The following DMD variants were observed in gnomAD, a reference collection of about 807,000 sequenced individuals.
The protein encoded by DMD is dystrophin.
DMD carries 63 observed loss-of-function variants against 330.1 expected under a neutral mutation model. That is an observed-to-expected ratio of 0.19 (90% CI 0.16 to 0.24). The LOEUF (loss-of-function observed/expected upper bound fraction) is 0.24, where lower values mean the gene tolerates loss of function less well. DMD is among the 10% of genes least tolerant of loss of function. DMD has a pLI of 1.00. For synonymous variants in DMD, 1,223 were observed against 959.8 expected (o/e 1.27, Z -5.07); for missense variants, 3,344 against 2,684.1 (o/e 1.25, Z -5.43).
At chrX:32,401,543 G>A (rs2098086224) in intron 30 of DMD, among the ~76,000 whole-genome samples, 1 of 111,315 alleles carries the variant, frequency 9.0e-6, no homozygotes, top group Admixed American at 9.6e-5. Context: ...ATAGAGAGTA[G>A]AAGGATCCTT....
chrX:31,896,444 A>C (rs2094333906), intron 47 of DMD, among the ~76,000 whole-genome samples: 1 of 111,754 alleles, frequency 8.9e-6, no homozygotes, highest in Non-Finnish European at 1.9e-5. Flanking sequence ...TTAAGAAAAC[A>C]TTCTGCTTAT....
At chrX:32,787,579 C>T (rs758665892) in intron 7 of DMD, among the ~76,000 whole-genome samples, 2 of 111,011 alleles carry the variant, frequency 1.8e-5, no homozygotes, top group Non-Finnish European at 3.8e-5. Context: ...ATATACATAC[C>T]TATGATAAAA....
chrX:33,047,600 A>G (rs2094400630), intron 1 of DMD, among the ~76,000 whole-genome samples: 1 of 112,469 alleles, frequency 8.9e-6, no homozygotes, highest in African/African-American at 3.2e-5. Context: ...TTATCTTTTA[A>G]AAAATCTATT....
rs58697417 is a variant in DMD, at chrX:32,744,773, C to T, written c.650-45480G>A. On this transcript the variant is annotated intron_variant, in intron 7 of 78. Coordinates refer to ENST00000357033, the MANE Select transcript of DMD (RefSeq NM_004006.3). ...ATCTGCTTTGTCAATACTCTAGGTTCAGGATATAAACACTTTTCATCTGGA... is the reference window on the plus strand; with the variant it reads ...ATCTGCTTTGTCAATACTCTAGGTTTAGGATATAAACACTTTTCATCTGGA... 4.6e-3 allele frequency among the ~76,000 whole-genome samples: 517 copies of T among 111,736 alleles called. 2 individuals are homozygous for T. Among genetic ancestry groups the T allele is most frequent in the African/African-American group, 0.015 (459 of 30,773 alleles).
intron 18 of DMD, among the ~76,000 whole-genome samples, chrX:32,512,746 G>A (rs2045465889): frequency 8.9e-6 from 1 of 112,333 alleles, no homozygotes; most frequent in Admixed American, 9.4e-5. Context: ...AAGTTAACCT[G>A]ATTTACACGC....
chrX:32,715,795 A>C (rs1054307880), intron 7 of DMD, among the ~76,000 whole-genome samples: 1 of 111,292 alleles, frequency 9.0e-6, no homozygotes, highest in African/African-American at 3.3e-5. Context: ...ATCTCAAAAC[A>C]GAAACACAAA....
intron 17 of DMD, among the ~76,000 whole-genome samples, chrX:32,523,169 C>G (rs912506200): frequency 6.3e-5 from 7 of 111,166 alleles, no homozygotes; most frequent in African/African-American, 2.3e-4. Flanking sequence ...GAAAACGATA[C>G]CCCAAAGTAT....
At chrX:32,486,642 C>G (rs1197475927) in intron 20 of DMD, among the ~76,000 whole-genome samples, 2 of 108,093 alleles carry the variant, frequency 1.9e-5, no homozygotes, top group Non-Finnish European at 3.8e-5. Flanking sequence ...GGTACTGGTA[C>G]CAAAACAGAG....
intron 11 of DMD, among the ~76,000 whole-genome samples, chrX:32,618,479 T>C (rs2057752135): frequency 9.0e-6 from 1 of 110,548 alleles, no homozygotes; most frequent in African/African-American, 3.3e-5. Flanking sequence ...CATGGGCACA[T>C]AGAGGGAAAC....
intron 16 of DMD, among the ~76,000 whole-genome samples, chrX:32,548,585 G>A (rs1270118050): frequency 2.7e-5 from 3 of 111,651 alleles, no homozygotes; most frequent in Non-Finnish European, 5.7e-5. Flanking sequence ...TTACACTATT[G>A]AGTAAACAAT....
intron 43 of DMD, among the ~76,000 whole-genome samples, chrX:32,260,390 C>G (rs1218340144): frequency 9.0e-6 from 1 of 111,444 alleles, no homozygotes; most frequent in Non-Finnish European, 1.9e-5. Flanking sequence ...TTTGTGGCAT[C>G]TAACATTAAT....
intron 1 of DMD, among the ~76,000 whole-genome samples, chrX:33,272,750 T>A (rs749436107): frequency 9.0e-6 from 1 of 110,581 alleles, no homozygotes; most frequent in East Asian, 2.8e-4. Context: ...TATCTCCACA[T>A]TGTTCTGGGA....
intron 17 of DMD, among the ~76,000 whole-genome samples, chrX:32,527,417 C>T (rs774776153): frequency 1.8e-5 from 2 of 110,773 alleles, no homozygotes; most frequent in Non-Finnish European, 3.8e-5. Flanking sequence ...ACTTTCCTGA[C>T]CCTAAATCCC....
chrX:31,814,542 T>C (rs746771869), intron 50 of DMD, among the ~76,000 whole-genome samples: 140 of 101,188 alleles, frequency 1.4e-3, no homozygotes, highest in African/African-American at 5.0e-3. Flanking sequence ...GGCTCTTCTA[T>C]ATGTCCATAT....
intron 15 of DMD, among the ~76,000 whole-genome samples, chrX:32,566,498 G>T (rs1295051607): frequency 1.8e-5 from 2 of 112,307 alleles, no homozygotes; most frequent in Admixed American, 9.5e-5. Flanking sequence ...TTAACATCTG[G>T]TTATTTGAGT....
At chrX:32,643,198 A>T (rs2059579871) in intron 11 of DMD, among the ~76,000 whole-genome samples, 1 of 110,817 alleles carries the variant, frequency 9.0e-6, no homozygotes, top group Non-Finnish European at 1.9e-5. Flanking sequence ...TAGTTATGAA[A>T]CCTCTATCTT....
chrX:32,011,520 G>A (rs2095708577), intron 44 of DMD, among the ~76,000 whole-genome samples: 1 of 111,541 alleles, frequency 9.0e-6, no homozygotes, highest in African/African-American at 3.3e-5. Context: ...CTAAATGGCA[G>A]GGAAAATACG....
chrX:32,890,285 T>C (rs1330950573), intron 2 of DMD, among the ~76,000 whole-genome samples: 3 of 111,632 alleles, frequency 2.7e-5, no homozygotes, highest in Non-Finnish European at 5.6e-5. Context: ...GACTGCTTTA[T>C]ATGTTCTGGG....
At chrX:31,926,601 G>A (rs964720066) in intron 47 of DMD, among the ~76,000 whole-genome samples, 3 of 110,354 alleles carry the variant, frequency 2.7e-5, no homozygotes, top group African/African-American at 9.9e-5. Flanking sequence ...ACTTGAACCC[G>A]GGAGGTGGAG....
Sources: allele counts gnomAD v4.1 joint callset (sites outside exome capture counted in the v4.1 genomes callset), GRCh38; gene constraint gnomAD v4.1.1; transcripts MANE v1.5; gene names NCBI Gene and HGNC (gene_info 2026-07-23, HGNC 2026-07-21).